KCNMB2: variants seen among roughly 807,000 people sequenced by gnomAD.
KCNMB2 encodes potassium calcium-activated channel subfamily M regulatory beta subunit 2.
In KCNMB2, 9 loss-of-function variants were observed where a neutral mutation model predicts 24.5. That is an observed-to-expected ratio of 0.37 (90% confidence interval 0.22 to 0.64). The LOEUF (loss-of-function observed/expected upper bound fraction) is 0.64. Ranked by LOEUF, KCNMB2 falls within the 30% of genes least tolerant of loss-of-function variation. The probability of loss-of-function intolerance (pLI) is 0.63; values close to 1 mark genes in which losing one functional copy is unlikely to be tolerated. For missense variants in KCNMB2, 226 were observed against 284.3 expected (o/e 0.79, Z 1.47); for synonymous variants, 109 against 104.4 (o/e 1.04, Z -0.27).
At chr3:178,609,164 T>G (rs1718386321) in intron 1 of KCNMB2, among the ~76,000 whole-genome samples, 1 of 152,180 alleles carries the variant, frequency 6.6e-6, no homozygotes, top group African/African-American at 2.4e-5. Context: ...TTATTGCCTG[T>G]TTTTTGGCTA....
chr3:178,561,768 T>G (rs151160319), intron 1 of KCNMB2, among the ~76,000 whole-genome samples: 112 of 152,280 alleles, frequency 7.4e-4, no homozygotes, highest in South Asian at 3.5e-3. Flanking sequence ...ATGCAGCAAC[T>G]ATAGTGTATG....
At chr3:178,680,416 TG>T (rs1173317326) in intron 1 of KCNMB2, among the ~76,000 whole-genome samples, 2 of 152,348 alleles carry the variant, frequency 1.3e-5, no homozygotes, top group African/African-American at 2.4e-5. Context: ...GTCACTCACC[TG>T]GGCTATTCTT....
chr3:178,695,515 G>A (rs1283365168), intron 1 of KCNMB2, among the ~76,000 whole-genome samples: 1 of 151,920 alleles, frequency 6.6e-6, no homozygotes, highest in East Asian at 1.9e-4. Flanking sequence ...TGAATGTCTT[G>A]CTGCTTGTAA....
rs186216162 is a variant in KCNMB2 at position 178,656,990 on chromosome 3, T to C, written c.-68+120279T>C. On this transcript the variant is annotated intron_variant, in intron 1 of 4. Transcript: ENST00000452583. ...TGCAGGGTGTGACCTTCAGGGTTTTTATTGATTGAGCACCTACTATGCTGG... is the reference window on the plus strand; with the variant it reads ...TGCAGGGTGTGACCTTCAGGGTTTTCATTGATTGAGCACCTACTATGCTGG... Among the ~76,000 whole-genome samples, 992 of 152,286 alleles carry C rather than the reference T, an allele frequency of 6.5e-3. 2 individuals carry two copies. Among genetic ancestry groups the C allele is most frequent in the Non-Finnish European group, 0.011 (756 of 68,022 alleles).
At chr3:178,555,351 G>A (rs531213179) in intron 1 of KCNMB2, among the ~76,000 whole-genome samples, 6 of 152,322 alleles carry the variant, frequency 3.9e-5, no homozygotes, top group East Asian at 3.9e-4. Context: ...AGTTAAGAGC[G>A]TGGGCTTTCA....
At chr3:178,783,418 C>T (rs1712956646) in intron 1 of KCNMB2, among the ~76,000 whole-genome samples, 1 of 151,330 alleles carries the variant, frequency 6.6e-6, no homozygotes, top group African/African-American at 2.4e-5. Context: ...TTCTTCCTAC[C>T]CAGGAGCATG....
intron 1 of KCNMB2, among the ~76,000 whole-genome samples, chr3:178,567,755 A>T (rs905377454): frequency 6.6e-6 from 1 of 152,168 alleles, no homozygotes; most frequent in Non-Finnish European, 1.5e-5. Context: ...CACACACTTT[A>T]TGTTCTTAAT....
At chr3:178,796,416 T>C (rs897829844) in intron 1 of KCNMB2, among the ~76,000 whole-genome samples, 1 of 152,048 alleles carries the variant, frequency 6.6e-6, no homozygotes, top group African/African-American at 2.4e-5. Context: ...CTAATAGATA[T>C]TTACAGAACA....
chr3:178,802,732 G>A (rs1713820648), intron 1 of KCNMB2, among the ~76,000 whole-genome samples: 1 of 152,126 alleles, frequency 6.6e-6, no homozygotes, highest in African/African-American at 2.4e-5. Context: ...ATTCTAATGT[G>A]TGACCAGCAT....
chr3:178,569,326 T>A (rs1024986682), intron 1 of KCNMB2, among the ~76,000 whole-genome samples: 3 of 152,064 alleles, frequency 2.0e-5, no homozygotes, highest in African/African-American at 7.2e-5. Flanking sequence ...ATCACAATGG[T>A]TAGAAACATA....
intron 1 of KCNMB2, among the ~76,000 whole-genome samples, chr3:178,595,365 T>C (rs982247896): frequency 2.0e-5 from 3 of 152,112 alleles, no homozygotes; most frequent in Non-Finnish European, 4.4e-5. Context: ...GTAGTCCAAG[T>C]GACTGCTCCT....
intron 1 of KCNMB2, among the ~76,000 whole-genome samples, chr3:178,790,193 T>C (rs113078498): frequency 0.014 from 2,058 of 152,008 alleles, 53 homozygotes; most frequent in African/African-American, 0.047. Context: ...GGGAAGAAAC[T>C]AGTCCAGGTA....
At chr3:178,707,659 G>A (rs535583182) in intron 1 of KCNMB2, among the ~76,000 whole-genome samples, 10 of 152,234 alleles carry the variant, frequency 6.6e-5, no homozygotes, top group African/African-American at 1.9e-4. Flanking sequence ...CCAGGCATAA[G>A]TAATTTTTAA....
At chr3:178,696,013 T>C (rs1045793202) in intron 1 of KCNMB2, among the ~76,000 whole-genome samples, 2 of 152,196 alleles carry the variant, frequency 1.3e-5, no homozygotes, top group Non-Finnish European at 2.9e-5. Flanking sequence ...ATTTATAAGA[T>C]AAGAGGTTTA....
intron 1 of KCNMB2, among the ~76,000 whole-genome samples, chr3:178,603,848 G>C (rs965296023): frequency 6.6e-6 from 1 of 152,136 alleles, no homozygotes; most frequent in African/African-American, 2.4e-5. Context: ...TTCATGTCTA[G>C]GGGAAAGCAA....
chr3:178,620,479 G>C (rs955133276), intron 1 of KCNMB2, among the ~76,000 whole-genome samples: 1 of 152,186 alleles, frequency 6.6e-6, no homozygotes, highest in South Asian at 2.1e-4. Flanking sequence ...AGAAGTCCAA[G>C]ACCAAGGTGC....
At chr3:178,581,467 C>A (rs760221226) in intron 1 of KCNMB2, among the ~76,000 whole-genome samples, 9 of 152,250 alleles carry the variant, frequency 5.9e-5, no homozygotes, top group Non-Finnish European at 1.0e-4. Context: ...GCAAAGTCTT[C>A]GTGACTAAAA....
At chr3:178,587,819 T>C (rs984257417) in intron 1 of KCNMB2, among the ~76,000 whole-genome samples, 5 of 151,558 alleles carry the variant, frequency 3.3e-5, no homozygotes, top group Admixed American at 1.3e-4. Flanking sequence ...ACATGTACCA[T>C]GTTGGTGTGC....
chr3:178,702,168 A>C (rs1269890447), intron 1 of KCNMB2, among the ~76,000 whole-genome samples: 1 of 151,650 alleles, frequency 6.6e-6, no homozygotes, highest in Admixed American at 6.6e-5. Flanking sequence ...CATTCTCAGC[A>C]AACTATCACA....
Sources: allele counts gnomAD v4.1 joint callset (sites outside exome capture counted in the v4.1 genomes callset), GRCh38; gene constraint gnomAD v4.1.1; transcripts MANE v1.5; gene names NCBI Gene and HGNC (gene_info 2026-07-23, HGNC 2026-07-21).